The following ACOXL variants were observed in gnomAD, a reference collection of about 807,000 sequenced individuals.
ACOXL encodes acyl-CoA oxidase like.
Under a neutral mutation model 71.9 loss-of-function variants are expected in ACOXL, and 70 were observed. That is an observed-to-expected ratio of 0.97 (90% CI 0.80 to 1.19). ACOXL has a LOEUF of 1.19. Among genes scored for constraint, ACOXL ranks in the 50% most tolerant of loss-of-function variants. The probability of loss-of-function intolerance (pLI) is 0.00; values close to 1 mark genes in which losing one functional copy is unlikely to be tolerated. For missense variants in ACOXL, 703 were observed against 736.3 expected (o/e 0.95, Z 0.52); for synonymous variants, 253 against 281.6 (o/e 0.90, Z 1.02).
At position 111,080,824 on chromosome 2, in the gene ACOXL, C is replaced by T. The variant is rs187786222; in HGVS notation, c.1441-12041C>T. ...AGCACATCAAAAAGCTTATTCACCA[C>T]GATCAAGCTGGCTTCATCCCTGGGA... On this transcript the variant is annotated intron_variant, in intron 16 of 17. Transcript: ENST00000439055. Among the ~76,000 whole-genome samples, 58 of 152,272 alleles carry T rather than the reference C, an allele frequency of 3.8e-4. 1 individual carries two copies. Among genetic ancestry groups the T allele is most frequent in the South Asian group, 2.1e-3 (10 of 4,826 alleles).
intron 12 of ACOXL, chr2:110,968,778 C>A (rs375730187): frequency 7.2e-4 from 156 of 217,814 alleles, no homozygotes; most frequent in South Asian, 2.0e-3. Context: ...TTATGGACAG[C>A]AAAAAAAAAA....
At position 111,061,176 on chromosome 2, in the gene ACOXL, T is replaced by C. The variant is rs75444777; in HGVS notation, c.1440+11888T>C. ...TAAACCTACGGATTCAAGAAGTGAA[T>C]GACCAATAGGATACATCAAAGAAAT... On this transcript the variant is annotated intron_variant, in intron 16 of 17. Transcript: ENST00000439055. 4.4e-3 allele frequency among the ~76,000 whole-genome samples: 664 copies of C among 152,288 alleles called. 10 individuals carry two copies. In the East Asian group the frequency reaches 0.046, roughly 11 times the overall value.
intron 2 of ACOXL, among the ~76,000 whole-genome samples, chr2:110,770,642 C>G (rs779191738): frequency 1.3e-5 from 2 of 152,180 alleles, no homozygotes; most frequent in Non-Finnish European, 2.9e-5. Flanking sequence ...ATGGAGCATC[C>G]ATTTAGAGCT....
intron 14 of ACOXL, chr2:111,017,943 T>C (rs1421729983): frequency 6.6e-6 from 1 of 152,242 alleles, no homozygotes; most frequent in African/African-American, 2.4e-5. Flanking sequence ...TTTCTTGAAG[T>C]TCTGAAAAGT....
intron 16 of ACOXL, among the ~76,000 whole-genome samples, chr2:111,064,241 C>A (rs1025952002): frequency 6.6e-6 from 1 of 152,016 alleles, no homozygotes; most frequent in Non-Finnish European, 1.5e-5. Context: ...TCGAGACCAT[C>A]CTGGCTAACA....
intron 14 of ACOXL, among the ~76,000 whole-genome samples, chr2:111,017,252 A>T (rs2064496528): frequency 6.6e-6 from 1 of 152,244 alleles, no homozygotes; most frequent in Non-Finnish European, 1.5e-5. Flanking sequence ...ACAAGGCCAG[A>T]GGGCAGGCCC....
chr2:110,807,197 A>C (rs961070453), intron 9 of ACOXL, among the ~76,000 whole-genome samples: 3 of 152,214 alleles, frequency 2.0e-5, no homozygotes. Context: ...CTCAGCCCTC[A>C]TCCTGCCCAT....
chr2:111,088,215 C>T (rs573774694), intron 16 of ACOXL, among the ~76,000 whole-genome samples: 1 of 152,316 alleles, frequency 6.6e-6, no homozygotes, highest in East Asian at 1.9e-4. Context: ...TTAGTTCAAC[C>T]ATTGCTGAAA....
intron 17 of ACOXL, among the ~76,000 whole-genome samples, chr2:111,105,505 C>T (rs941927676): frequency 6.6e-6 from 1 of 152,178 alleles, no homozygotes; most frequent in Admixed American, 6.5e-5. Flanking sequence ...TGATTTATTT[C>T]GTCAGCATTT....
At chr2:111,097,506 G>A (rs923623165) in intron 17 of ACOXL, among the ~76,000 whole-genome samples, 3 of 152,176 alleles carry the variant, frequency 2.0e-5, no homozygotes, top group South Asian at 2.1e-4. Context: ...TTCTAGCACC[G>A]TCCTCCAATA....
intron 11 of ACOXL, among the ~76,000 whole-genome samples, chr2:110,932,848 C>T (rs950851512): frequency 6.6e-6 from 1 of 152,084 alleles, no homozygotes; most frequent in Admixed American, 6.6e-5. Flanking sequence ...AGAGGTTTTC[C>T]AATGGGAGAA....
intron 1 of ACOXL, among the ~76,000 whole-genome samples, chr2:110,746,357 G>A (rs892926247): frequency 6.6e-6 from 1 of 152,104 alleles, no homozygotes; most frequent in Non-Finnish European, 1.5e-5. Context: ...GATAGCCATG[G>A]GAGAATATTG....
chr2:110,995,708 A>G (rs1574424908), intron 13 of ACOXL, among the ~76,000 whole-genome samples, 185 bp from the exon 14 acceptor site: 1 of 152,122 alleles, frequency 6.6e-6, no homozygotes, highest in South Asian at 2.1e-4. Flanking sequence ...AATAAACTAG[A>G]GCTAAGATTA....
At chr2:110,822,697 C>G (rs889553572) in intron 9 of ACOXL, among the ~76,000 whole-genome samples, 7 of 152,142 alleles carry the variant, frequency 4.6e-5, no homozygotes, top group African/African-American at 1.7e-4. Flanking sequence ...AGATTTTACT[C>G]TCTGTGCTGT....
chr2:111,104,802 T>C (rs2069421172), intron 17 of ACOXL, among the ~76,000 whole-genome samples: 1 of 152,190 alleles, frequency 6.6e-6, no homozygotes, highest in Non-Finnish European at 1.5e-5. Flanking sequence ...TGGTCTTCAA[T>C]AGAGCAAAAG....
chr2:110,747,451 T>G (rs931929180), intron 1 of ACOXL, among the ~76,000 whole-genome samples: 1 of 152,198 alleles, frequency 6.6e-6, no homozygotes, highest in Non-Finnish European at 1.5e-5. Flanking sequence ...TCTGGTGTGT[T>G]TAACAGCTGG....
chr2:110,968,029 T>C, intron 12 of ACOXL: 1 of 1,068,918 alleles, frequency 9.4e-7, no homozygotes, highest in Non-Finnish European at 1.4e-6. Flanking sequence ...TCAGATTGCT[T>C]ATGCCCGTAT....
At chr2:110,972,476 G>A (rs564653615) in intron 12 of ACOXL, among the ~76,000 whole-genome samples, 5 of 152,106 alleles carry the variant, frequency 3.3e-5, no homozygotes, top group Non-Finnish European at 5.9e-5. Flanking sequence ...GTGTGTCAAC[G>A]GTCCCCAGGG....
In ACOXL at chr2:111,095,671, G is replaced by A. The variant is rs533754550; in HGVS notation, c.1542+2705G>A. 4.6e-5 allele frequency among the ~76,000 whole-genome samples: 7 copies of A among 152,180 alleles called. No homozygotes were observed. The South Asian group carries it at 6.2e-4, about 14-fold the overall frequency. On this transcript the variant is annotated intron_variant, in intron 17 of 17. Coordinates refer to ENST00000439055, the MANE Select transcript of ACOXL (RefSeq NM_001142807.4). ...CTCCCAAAGTGCTGGGATTACAGGC[G>A]TGATCCACTGCACCCGGACTGCTTT... is the stretch of plus-strand genomic sequence containing the variant.
Sources: allele counts gnomAD v4.1 joint callset (sites outside exome capture counted in the v4.1 genomes callset), GRCh38; gene constraint gnomAD v4.1.1; transcripts MANE v1.5; gene names NCBI Gene and HGNC (gene_info 2026-07-23, HGNC 2026-07-21).